TNFSF18: variants seen among roughly 807,000 people sequenced by gnomAD.
TNFSF18 encodes tumor necrosis factor ligand superfamily member 18.
TNFSF18 carries 6 observed loss-of-function variants against 9.6 expected under a neutral mutation model. The observed-to-expected ratio is 0.63, with a 90% confidence interval of 0.34 to 1.24. The LOEUF (loss-of-function observed/expected upper bound fraction) is 1.24, where lower values mean the gene tolerates loss of function less well. TNFSF18 is among the 50% of genes most tolerant of loss of function. TNFSF18 has a pLI of 0.03. For missense variants in TNFSF18, 210 were observed against 201.0 expected (o/e 1.04, Z -0.27); for synonymous variants, 68 against 71.7 (o/e 0.95, Z 0.26).
chr1:173,047,614 AAATATG>A (rs1665105562), intron 1 of TNFSF18, among the ~76,000 whole-genome samples: 1 of 152,188 alleles, frequency 6.6e-6, no homozygotes. Context: ...GTAACAATCT[AAATATG>A]AATGAGTGCC....
chr1:173,041,237 T>G lies in TNFSF18; in HGVS notation c.*130A>C. The G allele has an allele frequency of 1.3e-6, 1 of 743,184 alleles. No individual in the cohort carries two copies. The highest frequency in any genetic ancestry group is 2.2e-6 in the Non-Finnish European group (1 of 464,976). The allele number at this position is 743,184 out of a possible 1,614,324, so 46.0% of individuals were successfully genotyped here. ...TAGGCATGATAGATGAAAATTCACG[T>G]GCAGAGGAGTTCTGTTTGTGTTGAT... is the stretch of plus-strand genomic sequence containing the variant. On this transcript the variant is annotated 3_prime_UTR_variant, in exon 3 of 3. Transcript: ENST00000404377.
Position 173,041,192 on chromosome 1 carries a change from T to TC in TNFSF18, c.*174dup, listed in dbSNP as rs1664983997. 1.8e-6 allele frequency: 1 copy of TC among 559,176 alleles called. No homozygotes were observed. Among genetic ancestry groups the TC allele is most frequent in the Non-Finnish European group, 3.1e-6 (1 of 325,676 alleles). 34.6% of individuals were successfully genotyped at this position (559,176 alleles called of 1,614,324 possible). ...GATCCAACCAAAAGTCTTTGGCTCT[T>TC]CCCCTGAGTCTCTTTCAGATAGGCA... On this transcript the variant is annotated 3_prime_UTR_variant, in exon 3 of 3. Transcript: ENST00000404377.
At chr1:173,041,979 G>A (rs931549623) in intron 2 of TNFSF18, among the ~76,000 whole-genome samples, 1 of 152,080 alleles carries the variant, frequency 6.6e-6, no homozygotes, top group African/African-American at 2.4e-5. Context: ...AAGTGACTTC[G>A]CATCTCTTGT....
chr1:173,046,927 C>G (rs1460167490), intron 1 of TNFSF18, among the ~76,000 whole-genome samples: 1 of 151,404 alleles, frequency 6.6e-6, no homozygotes, highest in East Asian at 1.9e-4. Context: ...GGGTCTCATT[C>G]CGTTGCCCAG....
In TNFSF18 at chr1:173,041,235, C is replaced by T. The variant is rs1172494133; in HGVS notation, c.*132G>A. On this transcript the variant is annotated 3_prime_UTR_variant, in exon 3 of 3. Coordinates refer to ENST00000404377, the MANE Select transcript of TNFSF18 (RefSeq NM_005092.4). The stretch of plus-strand genomic sequence containing the variant: ...GATAGGCATGATAGATGAAAATTCA[C>T]GTGCAGAGGAGTTCTGTTTGTGTTG... 1.4e-6 allele frequency: 1 copy of T among 719,078 alleles called. No homozygotes were observed. Among genetic ancestry groups the T allele is most frequent in the Non-Finnish European group, 2.2e-6 (1 of 449,946 alleles). 44.5% of individuals were successfully genotyped at this position (719,078 alleles called of 1,614,324 possible).
intron 1 of TNFSF18, among the ~76,000 whole-genome samples, chr1:173,044,291 A>G (rs182502899): frequency 6.6e-6 from 1 of 151,642 alleles, no homozygotes; most frequent in African/African-American, 2.4e-5. Flanking sequence ...AAGTTTTTCA[A>G]CAAAATAGCA....
chr1:173,044,089 A>T, intron 1 of TNFSF18, 120 bp from the exon 2 acceptor site: 1 of 955,770 alleles, frequency 1.0e-6, no homozygotes, highest in East Asian at 2.4e-5. Context: ...CCATAAAAAA[A>T]ATCCTTCCCT....
intron 2 of TNFSF18, among the ~76,000 whole-genome samples, chr1:173,042,724 T>C (rs1292920798): frequency 6.6e-6 from 1 of 151,942 alleles, no homozygotes; most frequent in African/African-American, 2.4e-5. Flanking sequence ...CCCCGGGAGG[T>C]GCTTTTACCA....
At chr1:173,047,873 A>T (rs1166892659) in intron 1 of TNFSF18, among the ~76,000 whole-genome samples, 1 of 152,196 alleles carries the variant, frequency 6.6e-6, no homozygotes, top group Non-Finnish European at 1.5e-5. Context: ...GCTCTGAGAT[A>T]TAGTGTTTGA....
chr1:173,050,709 A>G, intron 1 of TNFSF18, 32 bp downstream of exon 1: 1 of 1,419,784 alleles, frequency 7.0e-7, no homozygotes, highest in Non-Finnish European at 9.7e-7. Context: ...GATTATAGCA[A>G]ATAGTAACCT....
intron 1 of TNFSF18, among the ~76,000 whole-genome samples, chr1:173,048,873 T>G (rs368623064): frequency 6.6e-6 from 1 of 152,310 alleles, no homozygotes. Flanking sequence ...TATTTATTTG[T>G]GGCCAATAGG....
chr1:173,043,843 A>T (rs891942240), intron 2 of TNFSF18, 96 bp downstream of exon 2: 1 of 1,142,068 alleles, frequency 8.8e-7, no homozygotes, highest in African/African-American at 1.5e-5. Context: ...TCAGAAATGA[A>T]TAAAAGAAAA....
At chr1:173,049,689 C>T (rs1665138567) in intron 1 of TNFSF18, among the ~76,000 whole-genome samples, 1 of 152,148 alleles carries the variant, frequency 6.6e-6, no homozygotes, top group Non-Finnish European at 1.5e-5. Context: ...CTGGTCAGTT[C>T]CCTTAAGAAA....
At chr1:173,041,823 T>TTCCGA in intron 2 of TNFSF18, 110 bp from the exon 3 acceptor site, 1 of 835,038 alleles carries the variant, frequency 1.2e-6, no homozygotes, top group Non-Finnish European at 1.7e-6. Flanking sequence ...TTTCTTTACC[T>TTCCGA]GATCTACACT....
At position 173,040,869 on chromosome 1, in the gene TNFSF18, A is replaced by T. The variant is rs1664977592; in HGVS notation, c.*498T>A. Reference sequence around the variant, plus strand: ...AGATTGTTCTTTATCTTCTAACACCACCATATCTAAAGTAGGGTATGGTAG... The same window carrying T: ...AGATTGTTCTTTATCTTCTAACACCTCCATATCTAAAGTAGGGTATGGTAG... On this transcript the variant is annotated 3_prime_UTR_variant, in exon 3 of 3. Transcript: ENST00000404377. The T allele has an allele frequency of 6.6e-6, 1 of 152,408 alleles. No homozygotes were observed. Among genetic ancestry groups the T allele is most frequent in the Non-Finnish European group, 1.5e-5 (1 of 68,312 alleles). The allele number at this position is 152,408 out of a possible 1,614,324, so 9.4% of individuals were successfully genotyped here. A position where few individuals can be genotyped will look rare whatever the true frequency, so the allele number is the denominator to read the frequency against.
intron 1 of TNFSF18, among the ~76,000 whole-genome samples, chr1:173,045,209 C>G (rs1314584197): frequency 6.6e-6 from 1 of 152,008 alleles, no homozygotes; most frequent in Non-Finnish European, 1.5e-5. Context: ...ATGAGGCCAT[C>G]ATGTTAGTGG....
chr1:173,045,343 T>G lies in TNFSF18; in HGVS notation c.157-1374A>C, dbSNP rs546648731. Among the ~76,000 whole-genome samples, 407 of 152,254 alleles carry G rather than the reference T, an allele frequency of 2.7e-3. 4 individuals carry two copies. Among genetic ancestry groups the G allele is most frequent in the Middle Eastern group, 0.017 (5 of 294 alleles). On this transcript the variant is annotated intron_variant, in intron 1 of 2. Coordinates refer to ENST00000404377, the MANE Select transcript of TNFSF18 (RefSeq NM_005092.4). ...AAGGAAACTAGGAGAGTCTGATGTT[T>G]GGAAGCCAAGAAAAGAAAGTATTTC...
At chr1:173,048,340 A>T (rs1665116316) in intron 1 of TNFSF18, among the ~76,000 whole-genome samples, 1 of 152,168 alleles carries the variant, frequency 6.6e-6, no homozygotes, top group African/African-American at 2.4e-5. Context: ...TTAAGGCTAG[A>T]TTTACGTAGT....
At position 173,040,311 on chromosome 1, in the gene TNFSF18, A is replaced by G. The variant is rs544379806; in HGVS notation, c.*1056T>C. ...GGCTAAAGGGGAATATGCTTCCTGAAAAGTGAATTCGCTAAGTTTTAGAGT... is the reference window on the plus strand; with the variant it reads ...GGCTAAAGGGGAATATGCTTCCTGAGAAGTGAATTCGCTAAGTTTTAGAGT... On this transcript the variant is annotated 3_prime_UTR_variant, in exon 3 of 3. Coordinates refer to ENST00000404377, the MANE Select transcript of TNFSF18 (RefSeq NM_005092.4). The G allele has an allele frequency of 6.6e-6, 1 of 152,272 alleles. No individual in the cohort carries two copies. Among genetic ancestry groups the G allele is most frequent in the South Asian group, 2.1e-4 (1 of 4,826 alleles). 9.4% of individuals were successfully genotyped at this position (152,272 alleles called of 1,614,324 possible).
Sources: allele counts gnomAD v4.1 joint callset (sites outside exome capture counted in the v4.1 genomes callset), GRCh38; gene constraint gnomAD v4.1.1; transcripts MANE v1.5; gene names NCBI Gene and HGNC (gene_info 2026-07-23, HGNC 2026-07-21).